The following CP variants were observed in gnomAD, a reference collection of about 807,000 sequenced individuals.
CP encodes the protein ceruloplasmin, also known as caeruloplasmin.
A neutral mutation model predicts 122.4 loss-of-function variants in CP; 64 were observed. The observed-to-expected ratio is 0.52, with a 90% CI of 0.43 to 0.64. CP has a LOEUF of 0.64. CP is among the 30% of genes least tolerant of loss of function. The probability of loss-of-function intolerance (pLI) is 0.00; values close to 1 mark genes in which losing one functional copy is unlikely to be tolerated. For missense variants in CP, 1,167 were observed against 1,284.4 expected (o/e 0.91, Z 1.40); for synonymous variants, 440 against 436.4 (o/e 1.01, Z -0.10).
intron 1 of CP, among the ~76,000 whole-genome samples, chr3:149,215,063 T>C (rs1313437131): frequency 6.6e-6 from 1 of 152,224 alleles, no homozygotes; most frequent in Non-Finnish European, 1.5e-5. Context: ...GAGAGATTGA[T>C]TTGATAATAT....
At chr3:149,179,452 G>A (rs954943849) in intron 15 of CP, 104 bp downstream of exon 15, 1 of 882,190 alleles carries the variant, frequency 1.1e-6, no homozygotes, top group Non-Finnish European at 1.9e-6. Flanking sequence ...TATTTTCCTA[G>A]GATTTTAACG....
In CP at chr3:149,188,092, A is replaced by G. The variant is rs1432095397; in HGVS notation, c.1824T>C (p.Asp608=). ...ATTCCTGAAAGTCTTCATCTTCCTTATCCACCTGATCAGGTGCAGTTGTAA... is the reference window on the plus strand; with the variant it reads ...ATTCCTGAAAGTCTTCATCTTCCTTGTCCACCTGATCAGGTGCAGTTGTAA... ...RMFTTAPDQV[D]KEDEDFQESN... Residue 608 remains aspartate (D), a synonymous_variant, in exon 10 of 19, where the codon GAT becomes GAC. Coordinates refer to ENST00000264613, the MANE Select transcript of CP (RefSeq NM_000096.4). 6.2e-7 allele frequency: 1 copy of G among 1,612,278 alleles called. No individual in the cohort carries two copies. The highest frequency in any genetic ancestry group is 1.3e-5 in the African/African-American group (1 of 74,992).
Position 149,186,643 on chromosome 3 carries a change from C to T in CP, c.1954G>A (p.Glu652Lys), listed in dbSNP as rs141425435. The T allele has an allele frequency of 9.9e-6, 16 of 1,614,080 alleles. No homozygotes were observed. The highest frequency in any genetic ancestry group is 2.2e-5 in the East Asian group (1 of 44,904). Residue 652 changes from glutamate to lysine, a missense_variant, in exon 11 of 19, where the codon GAG (glutamate) becomes AAG (lysine). Glu to Lys is a moderately conservative substitution (Grantham distance 56). Around this residue, in one of 2 missense-constraint regions of CP, gnomAD observed 525 missense variants for 657.2 expected, o/e 0.80. Coordinates refer to ENST00000264613, the MANE Select transcript of CP (RefSeq NM_000096.4). ...VVWYLFSAGN[E>K]ADVHGIYFSG... is the part of the protein sequence containing the mutation. ...AAGTATATTCCATGTACATCGGCCT[C>T]ATTTCCGGCGCTGAATAAGTACCAC...
chr3:149,190,249 C>T (rs1381508977), intron 9 of CP, among the ~76,000 whole-genome samples: 3 of 151,978 alleles, frequency 2.0e-5, no homozygotes, highest in Non-Finnish European at 4.4e-5. Context: ...AGGAATATAA[C>T]CACATATATA....
chr3:149,210,182 T>C lies in CP; in HGVS notation c.592A>G (p.Ile198Val). ...GAAGATGTACCTTTTTTACAGATTA[T>C]TAAAGGTCCGATGAGTCCTGAGGCA... ...DIASGLIGPL[I>V]ICKKDSLDKE... Residue 198 changes from isoleucine (I) to valine (V), a missense_variant, in exon 3 of 19, where the codon ATA becomes GTA. Ile to Val is a conservative substitution (Grantham distance 29). Around this residue, in one of 2 missense-constraint regions of CP, gnomAD observed 642 missense variants for 627.3 expected, o/e 1.02. Transcript: ENST00000264613. The C allele has an allele frequency of 6.2e-7, 1 of 1,613,974 alleles. No individual in the cohort carries two copies. Among genetic ancestry groups the C allele is most frequent in the South Asian group, 1.1e-5 (1 of 91,088 alleles).
rs200883005 is a variant in CP, at chr3:149,199,776, C to T, written c.1437G>A (p.Gly479=). The change falls in exon 8 of 19, where the codon GGG becomes GGA. Residue 479 remains glycine, a synonymous_variant. Transcript: ENST00000264613. ...CCTCGTTGTTCTTATTGAATCTCAC[C>T]CCAATCGGCTCAATACTGAGGGGAT... is the stretch of plus-strand genomic sequence containing the variant. The part of the protein sequence containing the change: ...GAYPLSIEPI[G]VRFNKNNEGT... 1.8e-5 allele frequency: 29 copies of T among 1,614,092 alleles called. No individual in the cohort carries two copies. Among genetic ancestry groups the T allele is most frequent in the Admixed American group, 1.7e-5 (1 of 60,022 alleles).
At chr3:149,172,337 C>T, downstream of CP, 1 of 697,410 alleles carries the variant, frequency 1.4e-6, no homozygotes, top group Non-Finnish European at 2.5e-6. Flanking sequence ...CACACACACA[C>T]ACACACACAC....
intron 3 of CP, 40 bp from the exon 4 acceptor site, chr3:149,209,424 A>G: frequency 6.4e-7 from 1 of 1,574,752 alleles, no homozygotes; most frequent in African/African-American, 1.4e-5. Flanking sequence ...CTAAACTTTT[A>G]GCATGTATTT....
chr3:149,183,361 G>C (rs1010731601), intron 13 of CP, 105 bp downstream of exon 13: 33 of 1,183,988 alleles, frequency 2.8e-5, no homozygotes, highest in African/African-American at 2.3e-4. Flanking sequence ...GAACAACTTT[G>C]ATATATGAAC....
intron 9 of CP, among the ~76,000 whole-genome samples, chr3:149,194,245 A>T (rs1266186533): frequency 1.3e-3 from 174 of 138,000 alleles, no homozygotes; most frequent in Admixed American, 1.7e-3. Context: ...TTTATTTTTT[A>T]TTTTTTTTTT....
intron 12 of CP, among the ~76,000 whole-genome samples, chr3:149,184,413 A>G (rs1196935404): frequency 1.3e-5 from 2 of 152,142 alleles, no homozygotes; most frequent in Non-Finnish European, 2.9e-5. Flanking sequence ...TTACTCCTTT[A>G]CACTGCAAAC....
rs1261498467 is a variant in CP, at chr3:149,220,423, A to T, written c.146+1224T>A. Among the ~76,000 whole-genome samples the T allele has an allele frequency of 3.3e-5, 5 of 152,056 alleles. No homozygotes were observed. In the South Asian group the frequency reaches 1.0e-3, roughly 32 times the overall value. On this transcript the variant is annotated intron_variant, in intron 1 of 18. Coordinates refer to ENST00000264613, the MANE Select transcript of CP (RefSeq NM_000096.4). ...GAAAATACTGAATCCATGCAAAATAATGTTTCTGGTGAAGCTGTAAAAATA... is the reference window on the plus strand; with the variant it reads ...GAAAATACTGAATCCATGCAAAATATTGTTTCTGGTGAAGCTGTAAAAATA...
chr3:149,206,062 C>T (rs1727688341), intron 6 of CP, 106 bp downstream of exon 6: 1 of 1,023,256 alleles, frequency 9.8e-7, no homozygotes, highest in Non-Finnish European at 1.5e-6. Context: ...TCTAGTTACT[C>T]AATTTCAGAT....
rs1438358318 is a variant in CP at position 149,167,029 on chromosome 3, C to T, written c.587-979G>A. ...TTTCATAACATTTCACTTTTCTGTT[C>T]ATAGTCTCTTATATGTGGTCCTTCA... On this transcript the variant is annotated intron_variant, in intron 4 of 5. Coordinates refer to the CP transcript ENST00000479771. The T allele has an allele frequency of 6.2e-7, 1 of 1,606,678 alleles. No homozygotes were observed. Among genetic ancestry groups the T allele is most frequent in the Non-Finnish European group, 8.5e-7 (1 of 1,173,766 alleles).
intron 5 of CP, 145 bp downstream of exon 5, chr3:149,207,218 A>T: frequency 1.2e-6 from 1 of 861,268 alleles, no homozygotes; most frequent in Admixed American, 2.8e-5. Context: ...TTTTTTTATT[A>T]CATTATTATA....
At position 149,202,208 on chromosome 3, in the gene CP, T is replaced by A. The variant is rs760393766; in HGVS notation, c.1242A>T (p.Thr414=). The A allele has an allele frequency of 6.2e-7, 1 of 1,614,172 alleles. No individual in the cohort carries two copies. The highest frequency in any genetic ancestry group is 8.5e-7 in the Non-Finnish European group (1 of 1,180,020). ...GCTTTTTATAAGAGCCTCCAATTCT[T>A]GTGGTACCTTGTTCAAAAAACACCG... is the stretch of plus-strand genomic sequence containing the variant. The part of the protein sequence containing the change: ...DSAVFFEQGT[T]RIGGSYKKLV... Residue 414 remains threonine (T), a synonymous_variant, in exon 7 of 19, where the codon ACA becomes ACT. Coordinates refer to ENST00000264613, the MANE Select transcript of CP (RefSeq NM_000096.4).
intron 9 of CP, among the ~76,000 whole-genome samples, chr3:149,189,263 G>T (rs1726384105): frequency 6.6e-6 from 1 of 152,088 alleles, no homozygotes; most frequent in Non-Finnish European, 1.5e-5. Flanking sequence ...ATTTAAAAAT[G>T]TTATGAAAGG....
Position 149,207,425 on chromosome 3 carries a change from T to A in CP, c.974A>T (p.Tyr325Phe). The change falls in exon 5 of 19, where the codon TAT (tyrosine) becomes TTT (phenylalanine). Residue 325 changes from tyrosine (Y) to phenylalanine (F), a missense_variant. Tyr to Phe is a conservative substitution (Grantham distance 22). This residue lies in a region of CP where 642 missense variants were observed against 627.3 expected (regional missense o/e 1.02). Transcript: ENST00000264613. ...TTCTCCAGGGTTCTGGGCCACCATA[T>A]AAGCATCAAACAGGGTAGCAGGAAA... is the stretch of plus-strand genomic sequence containing the variant. ...NLFPATLFDA[Y>F]MVAQNPGEWM... The A allele has an allele frequency of 1.9e-6, 3 of 1,613,994 alleles. No individual in the cohort carries two copies. The highest frequency in any genetic ancestry group is 1.1e-5 in the South Asian group (1 of 91,082).
rs1728026585 is a variant in CP, at chr3:149,210,337, T to C, written c.437A>G (p.Asp146Gly). 2 of 1,614,100 alleles carry C rather than the reference T, an allele frequency of 1.2e-6. No homozygotes were observed. Among genetic ancestry groups the C allele is most frequent in the Non-Finnish European group, 1.7e-6 (2 of 1,179,936 alleles). The change falls in exon 3 of 19, where the codon GAT becomes GGT. Residue 146 changes from aspartate (D) to glycine (G), a missense_variant. Physicochemically the swap from Asp to Gly is moderately conservative, Grantham distance 94 (BLOSUM62 -1). Around this residue, in one of 2 missense-constraint regions of CP, gnomAD observed 642 missense variants for 627.3 expected, o/e 1.02. Transcript: ENST00000264613. ...CTGCTCTCCTGGATATACTTTGTCATCTGCTCTTTGAAAATCTGTGGTGTT... is the reference window on the plus strand; with the variant it reads ...CTGCTCTCCTGGATATACTTTGTCACCTGCTCTTTGAAAATCTGTGGTGTT... ...PDNTTDFQRA[D>G]DKVYPGEQYT...
Sources: allele counts gnomAD v4.1 joint callset (sites outside exome capture counted in the v4.1 genomes callset), GRCh38; gene constraint gnomAD v4.1.1; regional missense constraint gnomAD v4.1.1; transcripts MANE v1.5; gene names NCBI Gene and HGNC (gene_info 2026-07-23, HGNC 2026-07-21).